FARP1: variants seen among roughly 807,000 people sequenced by gnomAD.
FARP1 encodes FERM, ARHGEF and pleckstrin domain-containing protein 1.
In FARP1, 52 loss-of-function variants were observed where a neutral mutation model predicts 128.8. The ratio of observed to expected loss-of-function variants is 0.40; its 90% CI spans 0.32 to 0.51. The LOEUF (loss-of-function observed/expected upper bound fraction) is 0.51, where lower values mean the gene tolerates loss of function less well. Among genes scored for constraint, FARP1 ranks in the 20% least tolerant of loss-of-function variants. The pLI is 0.45. For missense variants in FARP1, 1,333 were observed against 1,367.9 expected, an observed-to-expected ratio of 0.97 and a Z score of 0.40; for synonymous variants, 580 against 551.8, an observed-to-expected ratio of 1.05 and a Z score of -0.72.
chr13:98,439,321 T>C (rs1892425625), intron 21 of FARP1, 125 bp downstream of exon 21: 1 of 670,586 alleles, frequency 1.5e-6, no homozygotes, highest in African/African-American at 1.8e-5. Flanking sequence ...AGTGGCATCT[T>C]GGTTACAAGA....
At chr13:98,373,533 G>GACAGACAGACAGAC (rs1349451618) in intron 5 of FARP1, among the ~76,000 whole-genome samples, 65 of 131,068 alleles carry the variant, frequency 5.0e-4, no homozygotes, top group African/African-American at 1.9e-3. Flanking sequence ...CAGACAGACA[G>GACAGACAGACAGAC]ACACACACAC....
chr13:98,314,318 T>TCGCCAGGCTGGAGTGCACTGG (rs1302540786), intron 2 of FARP1, among the ~76,000 whole-genome samples: 1 of 137,270 alleles, frequency 7.3e-6, no homozygotes, highest in Non-Finnish European at 1.5e-5. Context: ...TCTTGCTTTG[T>TCGCCAGGCTGGAGTGCACTGG]CGCCAGGCTG....
At chr13:98,311,041 A>T (rs1185237511) in intron 2 of FARP1, among the ~76,000 whole-genome samples, 1 of 152,218 alleles carries the variant, frequency 6.6e-6, no homozygotes, top group African/African-American at 2.4e-5. Flanking sequence ...ATTCAGTGGA[A>T]AACTGGGTTA....
intron 1 of FARP1, among the ~76,000 whole-genome samples, chr13:98,207,961 C>CACACACACACACACAT (rs1880389990): frequency 1.4e-5 from 2 of 145,458 alleles, no homozygotes; most frequent in African/African-American, 5.0e-5. Flanking sequence ...CACACACACA[C>CACACACACACACACAT]ACACACACTT....
chr13:98,224,631 C>T (rs866466182), intron 2 of FARP1, among the ~76,000 whole-genome samples: 1 of 151,452 alleles, frequency 6.6e-6, no homozygotes, highest in Non-Finnish European at 1.5e-5. Context: ...GAGTCCCTAT[C>T]TTCTTGACTA....
chr13:98,406,641 AGCCTGTG>A (rs1890985969), intron 13 of FARP1: 1 of 152,270 alleles, frequency 6.6e-6, no homozygotes. Context: ...TGCCCCCAGC[AGCCTGTG>A]GGCTAATCCT....
intron 2 of FARP1, among the ~76,000 whole-genome samples, chr13:98,298,230 T>A (rs552645548): frequency 6.6e-6 from 1 of 152,358 alleles, no homozygotes; most frequent in Non-Finnish European, 1.5e-5. Flanking sequence ...TTTCAAGGCT[T>A]GGTTATCCCA....
rs541031420 is a variant in FARP1, at chr13:98,275,602, T to TC, written c.171+62195dup. ...ATTGTTAGAGTTTGAAAGGAAATGG[T>TC]CCCCCCACTTCTTTTCTCTTTCTCT... On this transcript the variant is annotated intron_variant, in intron 2 of 26. Coordinates refer to ENST00000319562, the MANE Select transcript of FARP1 (RefSeq NM_005766.4). 4.6e-3 allele frequency among the ~76,000 whole-genome samples: 688 copies of TC among 149,530 alleles called. 5 individuals carry two copies. Among genetic ancestry groups the TC allele is most frequent in the Admixed American group, 6.8e-3 (101 of 14,788 alleles).
At chr13:98,347,693 A>G (rs1450879992) in intron 3 of FARP1, among the ~76,000 whole-genome samples, 1 of 152,192 alleles carries the variant, frequency 6.6e-6, no homozygotes, top group Non-Finnish European at 1.5e-5. Context: ...CCATGCTGCA[A>G]TGAACGTGGG....
At chr13:98,433,374 T>A (rs1362946853) in intron 18 of FARP1, 1 of 152,212 alleles carries the variant, frequency 6.6e-6, no homozygotes, top group Non-Finnish European at 1.5e-5. Flanking sequence ...CAGTGACAGT[T>A]CACAGAAGGG....
intron 3 of FARP1, among the ~76,000 whole-genome samples, chr13:98,348,675 G>A (rs1041620314): frequency 6.6e-6 from 1 of 152,208 alleles, no homozygotes; most frequent in Non-Finnish European, 1.5e-5. Context: ...TTCCAATACA[G>A]CTTTATTTAT....
At position 98,169,849 on chromosome 13, in the gene FARP1, T is replaced by A. The variant is rs1299462584; in HGVS notation, c.-24+26357T>A. Reference sequence around the variant, plus strand: ...TCTCCATTTAGTCTGGAGACCATTGTCCATCAGTCTGAGATATTTCCTAAG... The same window carrying A: ...TCTCCATTTAGTCTGGAGACCATTGACCATCAGTCTGAGATATTTCCTAAG... On this transcript the variant is annotated intron_variant, in intron 1 of 26. Coordinates refer to ENST00000319562, the MANE Select transcript of FARP1 (RefSeq NM_005766.4). Among the ~76,000 whole-genome samples the A allele has an allele frequency of 2.6e-5, 4 of 152,016 alleles. No individual in the cohort carries two copies. The East Asian group carries it at 7.7e-4, about 29-fold the overall frequency.
At chr13:98,299,591 A>G (rs533205314) in intron 2 of FARP1, among the ~76,000 whole-genome samples, 29 of 152,334 alleles carry the variant, frequency 1.9e-4, no homozygotes, top group African/African-American at 6.3e-4. Context: ...ATTAGTAAAG[A>G]TACAGTCTGG....
At chr13:98,203,586 T>C (rs1382191066) in intron 1 of FARP1, among the ~76,000 whole-genome samples, 2 of 152,208 alleles carry the variant, frequency 1.3e-5, no homozygotes, top group Non-Finnish European at 2.9e-5. Context: ...TTTTGCATCT[T>C]TTTGTGGCAG....
chr13:98,211,416 C>A (rs1432062042), intron 1 of FARP1, among the ~76,000 whole-genome samples: 1 of 151,852 alleles, frequency 6.6e-6, no homozygotes, highest in Admixed American at 6.6e-5. Context: ...GAGGTGGAAC[C>A]ATTTCATCCC....
intron 1 of FARP1, among the ~76,000 whole-genome samples, chr13:98,182,214 C>G (rs1173619303): frequency 2.0e-5 from 3 of 152,046 alleles, no homozygotes; most frequent in African/African-American, 7.2e-5. Flanking sequence ...AGCTCTTTGA[C>G]TTAGTCCCCT....
intron 2 of FARP1, among the ~76,000 whole-genome samples, chr13:98,262,075 G>A (rs1209201888): frequency 6.7e-6 from 1 of 149,592 alleles, no homozygotes; most frequent in East Asian, 2.0e-4. Context: ...GAGTGCAGTG[G>A]TGTGATCTCA....
At chr13:98,164,915 A>C (rs1476565005) in intron 1 of FARP1, among the ~76,000 whole-genome samples, 3 of 152,018 alleles carry the variant, frequency 2.0e-5, no homozygotes, top group African/African-American at 7.2e-5. Context: ...TCCCATCCCT[A>C]CTAAAAATAC....
At chr13:98,179,806 G>A (rs1446744297) in intron 1 of FARP1, among the ~76,000 whole-genome samples, 2 of 152,104 alleles carry the variant, frequency 1.3e-5, no homozygotes, top group South Asian at 2.1e-4. Flanking sequence ...ACAGTGAGCC[G>A]AGATCAAGCC....
Sources: gnomAD v4.1 joint callset for allele counts (sites outside exome capture counted in the v4.1 genomes callset) on GRCh38, gnomAD v4.1.1 for gene constraint, MANE v1.5 for transcripts, NCBI Gene and HGNC (gene_info 2026-07-23, HGNC 2026-07-21) for gene names.